Variants in TTN observed in about 807,000 individuals in gnomAD.
TTN encodes the protein connectin.
A neutral mutation model predicts 3,223.0 loss-of-function variants in TTN; 1,525 were observed. The observed-to-expected ratio is 0.47, with a 90% confidence interval of 0.45 to 0.49. The LOEUF (loss-of-function observed/expected upper bound fraction) is 0.49, where lower values mean the gene tolerates loss of function less well. TTN is among the 20% of genes least tolerant of loss of function. The pLI is 0.00. For synonymous variants in TTN, 14,094 were observed against 15,161.0 expected (o/e 0.93, Z 5.17); for missense variants, 40,786 against 43,424.0 (o/e 0.94, Z 5.40).
chr2:178,565,929 T>C lies in TTN; in HGVS notation c.80203A>G (p.Ser26735Gly). Residue 26735 changes from serine (S) to glycine (G), a missense_variant, in exon 326 of 363, where the codon AGT becomes GGT. By Grantham distance (56) the Ser-to-Gly change is moderately conservative. Coordinates refer to ENST00000589042, the MANE Select transcript of TTN (RefSeq NM_001267550.2). The stretch of plus-strand genomic sequence containing the variant: ...TTAAAACTTGTTTTGCTGCATTTAC[T>C]ACTCACATTAGCATACGCTTTTCTG... Reference protein sequence around the residue: ...STRKAYANVSSKCSKTSFKVE... With the variant: ...STRKAYANVSGKCSKTSFKVE... 6.2e-7 allele frequency: 1 copy of C among 1,613,678 alleles called. No individual in the cohort carries two copies. The highest frequency in any genetic ancestry group is 8.5e-7 in the Non-Finnish European group (1 of 1,179,668).
Position 178,561,627 on chromosome 2 carries a change from A to C in TTN, c.84505T>G (p.Ser28169Ala). 1.2e-6 allele frequency: 2 copies of C among 1,612,168 alleles called. No homozygotes were observed. The highest frequency in any genetic ancestry group is 1.7e-6 in the Non-Finnish European group (2 of 1,179,012). Residue 28169 changes from serine (S) to alanine (A), a missense_variant, in exon 326 of 363, where the codon TCT becomes GCT. Coordinates refer to ENST00000589042, the MANE Select transcript of TTN (RefSeq NM_001267550.2). The part of the protein sequence containing the change: ...GTPKVVHATK[S>A]TMLVTWQVPV... The stretch of plus-strand genomic sequence containing the variant: ...ACTTGCCAGGTTACAAGCATGGTAG[A>C]TTTTGTGGCATGCACAACTTTAGGA...
intron 69 of TTN, 167 bp downstream of exon 69, chr2:178,726,923 C>T (rs1578098289): frequency 1.5e-6 from 1 of 648,440 alleles, no homozygotes; most frequent in Non-Finnish European, 2.2e-6. Flanking sequence ...TACATGTAAG[C>T]AAAATTCAAG....
At chr2:178,725,313 T>C in intron 71 of TTN, 55 bp downstream of exon 71, 1 of 1,416,742 alleles carries the variant, frequency 7.1e-7, no homozygotes, top group Non-Finnish European at 9.2e-7. Flanking sequence ...CAGTAACTCT[T>C]AGTAATTCAT....
Position 178,702,519 on chromosome 2 carries a change from T to C in TTN, c.30368A>G (p.Tyr10123Cys). 1 of 1,613,990 alleles carries C rather than the reference T, an allele frequency of 6.2e-7. No individual in the cohort carries two copies. Among genetic ancestry groups the C allele is most frequent in the South Asian group, 1.1e-5 (1 of 91,080 alleles). The change falls in exon 107 of 363, where the codon TAC becomes TGC. Residue 10123 changes from tyrosine to cysteine, a missense_variant. Tyr to Cys is a radical substitution (Grantham distance 194, BLOSUM62 -2). Transcript: ENST00000589042. ...GCAGCGGCCATCATTCCTGAAGTTG[T>C]ATTTCTGGCTCTCTGTCAGTTCTGT... ...GPTELTESQK[Y>C]NFRNDGRCHY...
chr2:178,588,126 G>A lies in TTN; in HGVS notation c.63281C>T (p.Ala21094Val). Residue 21094 changes from alanine to valine, a missense_variant, in exon 305 of 363, where the codon GCA (alanine) becomes GTA (valine). Coordinates refer to ENST00000589042, the MANE Select transcript of TTN (RefSeq NM_001267550.2). ...TTCCACAACATATCCAATGATCGGT[G>A]CACCACCATCATAGACTGGTTTTCC... ...GWGKPVYDGGAPIIGYVVEMR... is the reference protein window; with the variant it reads ...GWGKPVYDGGVPIIGYVVEMR... 6.8e-6 allele frequency: 11 copies of A among 1,612,716 alleles called. No individual in the cohort carries two copies. Among genetic ancestry groups the A allele is most frequent in the Non-Finnish European group, 9.3e-6 (11 of 1,179,190 alleles).
intron 47 of TTN, among the ~76,000 whole-genome samples, chr2:178,752,887 TG>T (rs1455181762): frequency 2.6e-5 from 4 of 152,110 alleles, no homozygotes; most frequent in Admixed American, 2.6e-4. Flanking sequence ...AAGTTGAATT[TG>T]GCTGATAAAT....
Position 178,530,052 on chromosome 2 carries a change from T to G in TTN, c.106439A>C (p.His35480Pro). The change falls in exon 359 of 363, where the codon CAT becomes CCT. Residue 35480 changes from histidine (H) to proline (P), a missense_variant. Transcript: ENST00000589042. ...TCCACTGTCAGAAGTATCAGTCTTA[T>G]GAATTTCTAAGAAGAACCCTCCCTT... Reference protein sequence around the residue: ...EDKGGFFLEIHKTDTSDSGLY... With the variant: ...EDKGGFFLEIPKTDTSDSGLY... The G allele has an allele frequency of 1.2e-6, 2 of 1,611,858 alleles. No homozygotes were observed. Among genetic ancestry groups the G allele is most frequent in the South Asian group, 1.1e-5 (1 of 90,312 alleles).
intron 112 of TTN, among the ~76,000 whole-genome samples, chr2:178,698,334 T>C (rs2074100509): frequency 6.6e-6 from 1 of 152,170 alleles, no homozygotes; most frequent in South Asian, 2.1e-4. Context: ...ATATAGTTAA[T>C]AATAGTGTAC....
At chr2:178,677,361 T>TATATATATATATATATATATATATA (rs1560296885) in intron 146 of TTN, 74 bp from the exon 147 acceptor site, 7 of 515,020 alleles carry the variant, frequency 1.4e-5, no homozygotes, top group African/African-American at 9.2e-5. Flanking sequence ...TATATATATA[T>TATATATATATATATATATATATATA]GAAAGAGACA....
In TTN at chr2:178,610,366, T is replaced by C. The variant is rs1277276562; in HGVS notation, c.51160A>G (p.Ile17054Val). ...CTCTTGGTAATGTCACTTGCTTTAA[T>C]ATCTTTGCATGGTCCAGGTAGGCCT... ...VIGLPGPCKD[I>V]KASDITKSSC... Residue 17054 changes from isoleucine to valine, a missense_variant, in exon 271 of 363, where the codon ATT (isoleucine) becomes GTT (valine). Physicochemically the swap from Ile to Val is conservative, Grantham distance 29 (BLOSUM62 3). Transcript: ENST00000589042. 1.2e-6 allele frequency: 2 copies of C among 1,612,650 alleles called. No individual in the cohort carries two copies. The highest frequency in any genetic ancestry group is 1.1e-5 in the South Asian group (1 of 91,030).
rs727504490 is a variant in TTN at position 178,591,411 on chromosome 2, A to C, written c.60314T>G (p.Val20105Gly). Reference protein sequence around the residue: ...TVRFPAIIRGVPVPTAKWTTD... With the variant: ...TVRFPAIIRGGPVPTAKWTTD... ...TGTCCACTTTGCAGTAGGAACAGGC[A>C]CACCTCTTATAATAGCAGGGAATCT... Residue 20105 changes from valine to glycine, a missense_variant, in exon 304 of 363, where the codon GTG becomes GGG. By Grantham distance (109) the Val-to-Gly change is moderately radical. Transcript: ENST00000589042. The C allele has an allele frequency of 2.5e-5, 41 of 1,611,236 alleles. No homozygotes were observed. In the Middle Eastern group the frequency reaches 1.7e-3, roughly 65 times the overall value.
chr2:178,576,286 T>C lies in TTN; in HGVS notation c.69846A>G (p.Val23282=). The C allele has an allele frequency of 6.2e-7, 1 of 1,601,686 alleles. No homozygotes were observed. The stretch of plus-strand genomic sequence containing the variant: ...TATCTTTTATCCAGGCCTCGTCTCC[T>C]ACTTTTTGATGCTCCACGACATAGC... ...ITGYVVEHQK[V]GDEAWIKDTT... Residue 23282 remains valine, a synonymous_variant, in exon 326 of 363, where the codon GTA becomes GTG. Transcript: ENST00000589042. The surrounding 1 kb of genome is among the most constrained non-coding windows in gnomAD (Gnocchi z 4.3).
At chr2:178,736,819 G>A (rs150898015) in intron 49 of TTN, among the ~76,000 whole-genome samples, 18 of 152,300 alleles carry the variant, frequency 1.2e-4, no homozygotes, top group Non-Finnish European at 2.4e-4. Context: ...TTTGACCAGA[G>A]TGAAAAGCAC....
Position 178,715,481 on chromosome 2 carries a change from G to A in TTN, c.25921+12C>T. The A allele has an allele frequency of 6.2e-7, 1 of 1,603,920 alleles. No individual in the cohort carries two copies. The highest frequency in any genetic ancestry group is 1.1e-5 in the South Asian group (1 of 90,230). ...CTAATGTGAAAAACACACAGGTGGG[G>A]AGAGCGCTGACCTTTAACTTTTAAG... On this transcript the variant is annotated intron_variant, in intron 89 of 362. Transcript: ENST00000589042.
chr2:178,570,077 G>C lies in TTN; in HGVS notation c.76055C>G (p.Thr25352Arg), dbSNP rs1318162597. 1.9e-6 allele frequency: 3 copies of C among 1,613,364 alleles called. No homozygotes were observed. Among genetic ancestry groups the C allele is most frequent in the Middle Eastern group, 1.7e-4 (1 of 6,050 alleles). Reference sequence around the variant, plus strand: ...TCCAATCAGACGCTTATGGCATCTTGTCCATCTAATGCCTTCTTTATCCCG... The same window carrying C: ...TCCAATCAGACGCTTATGGCATCTTCTCCATCTAATGCCTTCTTTATCCCG... Reference protein sequence around the residue: ...EKRDKEGIRWTRCHKRLIGEL... With the variant: ...EKRDKEGIRWRRCHKRLIGEL... The change falls in exon 326 of 363, where the codon ACA becomes AGA. Residue 25352 changes from threonine to arginine, a missense_variant. Physicochemically the swap from Thr to Arg is moderately conservative, Grantham distance 71. Coordinates refer to ENST00000589042, the MANE Select transcript of TTN (RefSeq NM_001267550.2).
Position 178,563,949 on chromosome 2 carries a change from A to C in TTN, c.82183T>G (p.Leu27395Val), listed in dbSNP as rs1304635139. Residue 27395 changes from leucine to valine, a missense_variant, in exon 326 of 363, where the codon TTG (leucine) becomes GTG (valine). Transcript: ENST00000589042. This position sits in a 1 kb window ranked among gnomAD's most constrained non-coding sequence, Gnocchi z 4.5. Reference protein sequence around the residue: ...EKCYLAWNPPLQDGGANISHY... With the variant: ...EKCYLAWNPPVQDGGANISHY... ...GAAATATTAGCACCACCATCTTGCA[A>C]AGGTGGGTTCCATGCCAGGTAACAT... 3.7e-6 allele frequency: 6 copies of C among 1,613,546 alleles called. No individual in the cohort carries two copies. The African/African-American group carries it at 8.0e-5, about 22-fold the overall frequency.
rs1308687761 is a variant in TTN at position 178,652,105 on chromosome 2, G to T, written c.39286C>A (p.Pro13096Thr). 2 of 1,613,174 alleles carry T rather than the reference G, an allele frequency of 1.2e-6. No individual in the cohort carries two copies. Among genetic ancestry groups the T allele is most frequent in the South Asian group, 1.1e-5 (1 of 91,048 alleles). ...ATAGTTTCATTATTACCTTCAGGGG[G>T]AGGACTTTCCGGTTTGGGAGGAATA... ...EAIPPKPESPPPEVFEEPEEV... is the reference protein window; with the variant it reads ...EAIPPKPESPTPEVFEEPEEV... Residue 13096 changes from proline (P) to threonine (T), a missense_variant, in exon 204 of 363, where the codon CCC becomes ACC. Physicochemically the swap from Pro to Thr is conservative, Grantham distance 38. Coordinates refer to ENST00000589042, the MANE Select transcript of TTN (RefSeq NM_001267550.2).
rs1320326326 is a variant in TTN at position 178,571,122 on chromosome 2, G to A, written c.75010C>T (p.Arg25004Cys). ...CGTCCTGGTGGATCACATGGGTCAC[G>A]AGCCACATAACATTCTGATACTTTA... ...PSKVSECYVA[R>C]DPCDPPGRPE... The change falls in exon 326 of 363, where the codon CGT becomes TGT. Residue 25004 changes from arginine (R) to cysteine (C), a missense_variant. Coordinates refer to ENST00000589042, the MANE Select transcript of TTN (RefSeq NM_001267550.2). 10 of 1,613,244 alleles carry A rather than the reference G, an allele frequency of 6.2e-6. No individual in the cohort carries two copies. Among genetic ancestry groups the A allele is most frequent in the African/African-American group, 5.3e-5 (4 of 74,878 alleles).
Position 178,774,938 on chromosome 2 carries a change from G to A in TTN, c.6773C>T (p.Ala2258Val), listed in dbSNP as rs72647881. ...TTGAATACCTTCAACAATAAGTTTAGCAGTCGTTTTGACATTTTCATCTTC... is the reference window on the plus strand; with the variant it reads ...TTGAATACCTTCAACAATAAGTTTAACAGTCGTTTTGACATTTTCATCTTC... The part of the protein sequence containing the change: ...LVEDENVKTT[A>V]KLIVEGAVVE... Residue 2258 changes from alanine to valine, a missense_variant, in exon 29 of 363, where the codon GCT (alanine) becomes GTT (valine). Physicochemically the swap from Ala to Val is moderately conservative, Grantham distance 64. Coordinates refer to ENST00000589042, the MANE Select transcript of TTN (RefSeq NM_001267550.2). 2.5e-6 allele frequency: 4 copies of A among 1,613,594 alleles called. No homozygotes were observed. In the African/African-American group the frequency reaches 5.3e-5, roughly 22 times the overall value.
Sources: allele counts gnomAD v4.1 joint callset (sites outside exome capture counted in the v4.1 genomes callset), GRCh38; gene constraint gnomAD v4.1.1; non-coding constraint Gnocchi (gnomAD v3.1); transcripts MANE v1.5; gene names NCBI Gene and HGNC (gene_info 2026-07-23, HGNC 2026-07-21).